The following BLVRA variants were observed in gnomAD, a reference collection of about 807,000 sequenced individuals.
BLVRA encodes BVR A.
In BLVRA, 22 loss-of-function variants were observed where a neutral mutation model predicts 32.8. The observed-to-expected ratio is 0.67, with a 90% confidence interval of 0.48 to 0.96. The LOEUF is 0.96. BLVRA is among the 40% of genes least tolerant of loss of function. BLVRA has a pLI of 0.00. For synonymous variants in BLVRA, 119 were observed against 141.3 expected (o/e 0.84, Z 1.12); for missense variants, 323 against 358.1 (o/e 0.90, Z 0.79).
intron 1 of BLVRA, among the ~76,000 whole-genome samples, chr7:43,761,871 A>C (rs928570926): frequency 5.3e-5 from 8 of 152,234 alleles, no homozygotes; most frequent in Non-Finnish European, 8.8e-5. Context: ...TTAGAGACAT[A>C]ATTACTGGTA....
At position 43,758,746 on chromosome 7, in the gene BLVRA, G is replaced by C. The variant is rs1349726368; in HGVS notation, c.-22+12G>C. ...GGTGCCCGCGTCAGGTGAGGCGCGC[G>C]CGGGGAACGGGGGTCGCGCGCAGGG... On this transcript the variant is annotated intron_variant, in intron 1 of 7. Coordinates refer to ENST00000265523, the MANE Select transcript of BLVRA (RefSeq NM_000712.4). 2 of 152,038 alleles carry C rather than the reference G, an allele frequency of 1.3e-5. No homozygotes were observed. The highest frequency in any genetic ancestry group is 2.9e-5 in the Non-Finnish European group (2 of 68,044). 9.4% of individuals were successfully genotyped at this position (152,038 alleles called of 1,614,324 possible). A position where few individuals can be genotyped will look rare whatever the true frequency, so the allele number is the denominator to read the frequency against.
At chr7:43,764,062 C>T (rs2095745218) in intron 1 of BLVRA, 1 of 152,176 alleles carries the variant, frequency 6.6e-6, no homozygotes, top group Non-Finnish European at 1.5e-5. Flanking sequence ...GATGTTCTCT[C>T]TAGAGATCTT....
In BLVRA at chr7:43,771,003, G is replaced by A. The variant is rs1292609736; in HGVS notation, c.-21-135G>A. On this transcript the variant is annotated intron_variant, in intron 1 of 7. Transcript: ENST00000265523. ...GGTATCCTAGCTGGAAGGCACAGGT[G>A]GTGAAGGCATTTGGGAAACATGAGA... 4 of 783,260 alleles carry A rather than the reference G, an allele frequency of 5.1e-6. No homozygotes were observed. In the African/African-American group the frequency reaches 6.8e-5, roughly 13 times the overall value. The allele number at this position is 783,260 out of a possible 1,614,324, so 48.5% of individuals were successfully genotyped here.
At chr7:43,759,420 A>T (rs951533047) in intron 1 of BLVRA, among the ~76,000 whole-genome samples, 1 of 152,190 alleles carries the variant, frequency 6.6e-6, no homozygotes, top group Non-Finnish European at 1.5e-5. Context: ...TTGGATACTA[A>T]TTTTTTTCAC....
chr7:43,788,787 C>T (rs2095781598), intron 3 of BLVRA, among the ~76,000 whole-genome samples: 1 of 151,598 alleles, frequency 6.6e-6, no homozygotes, highest in South Asian at 2.1e-4. Flanking sequence ...GACACACACA[C>T]CACCACGCCT....
At chr7:43,788,423 C>T (rs946157091) in intron 3 of BLVRA, among the ~76,000 whole-genome samples, 5 of 152,110 alleles carry the variant, frequency 3.3e-5, no homozygotes, top group Non-Finnish European at 5.9e-5. Flanking sequence ...TTTCCTTCTG[C>T]GTAGTGTTAT....
intron 7 of BLVRA, among the ~76,000 whole-genome samples, chr7:43,806,479 C>A (rs1225306424): frequency 6.6e-6 from 1 of 152,146 alleles, no homozygotes; most frequent in Non-Finnish European, 1.5e-5. Context: ...CAGTGGCTCA[C>A]GCCTGTAATC....
intron 2 of BLVRA, among the ~76,000 whole-genome samples, chr7:43,775,422 G>A (rs958279768): frequency 1.3e-5 from 2 of 152,144 alleles, no homozygotes; most frequent in Non-Finnish European, 2.9e-5. Flanking sequence ...CTTTGGTTCT[G>A]TTTATATGCT....
intron 2 of BLVRA, among the ~76,000 whole-genome samples, chr7:43,784,598 CTTTTTTTTTTTTTT>C (rs5883874): frequency 3.5e-5 from 3 of 85,238 alleles, no homozygotes; most frequent in African/African-American, 1.7e-4. Flanking sequence ...TCACTCATAT[CTTTTTTTTTTTTTT>C]TTTTTTTTTG....
intron 1 of BLVRA, among the ~76,000 whole-genome samples, chr7:43,761,679 T>TGTTATTGATAA (rs1171041998): frequency 6.6e-5 from 10 of 152,334 alleles, no homozygotes; most frequent in African/African-American, 2.2e-4. Context: ...TCAGAGCACC[T>TGTTATTGATAA]TGATATGTTA....
At chr7:43,774,214 C>G (rs867874256) in intron 2 of BLVRA, among the ~76,000 whole-genome samples, 9 of 152,302 alleles carry the variant, frequency 5.9e-5, no homozygotes, top group South Asian at 2.1e-4. Flanking sequence ...AGTCCTTGCC[C>G]ATGCCTATGT....
intron 5 of BLVRA, among the ~76,000 whole-genome samples, chr7:43,799,352 G>T (rs2095796234): frequency 6.6e-6 from 1 of 152,092 alleles, no homozygotes; most frequent in Non-Finnish European, 1.5e-5. Context: ...ACCACACTTT[G>T]TACTTAATCA....
intron 4 of BLVRA, 29 bp downstream of exon 4, chr7:43,791,397 C>CT: frequency 6.2e-7 from 1 of 1,613,824 alleles, no homozygotes; most frequent in Non-Finnish European, 8.5e-7. Context: ...CAGTCCTTGC[C>CT]TTACACAGCA....
chr7:43,771,058 TG>T, intron 1 of BLVRA, 79 bp from the exon 2 acceptor site: 1 of 1,192,624 alleles, frequency 8.4e-7, no homozygotes, highest in Admixed American at 1.7e-5. Flanking sequence ...TGGGGGAGCA[TG>T]GGGTGGCAAA....
chr7:43,803,585 T>G, intron 6 of BLVRA, 91 bp from the exon 7 acceptor site: 1 of 1,446,080 alleles, frequency 6.9e-7, no homozygotes, highest in Non-Finnish European at 9.7e-7. Flanking sequence ...GGCCACATCT[T>G]TTCACACCCC....
chr7:43,760,831 C>T (rs1585706264), intron 1 of BLVRA, among the ~76,000 whole-genome samples: 1 of 150,480 alleles, frequency 6.6e-6, no homozygotes, highest in South Asian at 2.1e-4. Flanking sequence ...TGCAGTGGCG[C>T]CATCTTGGCT....
In BLVRA at chr7:43,788,163, A is replaced by G. The variant is rs1006237207; in HGVS notation, c.134+138A>G. On this transcript the variant is annotated intron_variant, in intron 3 of 7. Coordinates refer to ENST00000265523, the MANE Select transcript of BLVRA (RefSeq NM_000712.4). ...GAGAACTGTGCTTAGGGTCAGCCCC[A>G]TAAGATCTCAGGTTGGGATGGGTCT... The G allele has an allele frequency of 1.7e-5, 25 of 1,490,794 alleles. No homozygotes were observed. The African/African-American group carries it at 2.9e-4, about 17-fold the overall frequency. The allele number at this position is 1,490,794 out of a possible 1,614,324, so 92.3% of individuals were successfully genotyped here.
rs183841606 is a variant in BLVRA, at chr7:43,792,391, T to C, written c.255-324T>C. Among the ~76,000 whole-genome samples, 18 of 152,356 alleles carry C rather than the reference T, an allele frequency of 1.2e-4. No homozygotes were observed. In the East Asian group the frequency reaches 3.1e-3, roughly 26 times the overall value. On this transcript the variant is annotated intron_variant, in intron 4 of 7. Coordinates refer to ENST00000265523, the MANE Select transcript of BLVRA (RefSeq NM_000712.4). ...GGTTTTGTAGCCTTTATAGCTACCA[T>C]GTGGTGATAGGAAATTTATTTGTTA...
chr7:43,766,573 C>G (rs896101284), intron 1 of BLVRA, among the ~76,000 whole-genome samples: 11 of 152,100 alleles, frequency 7.2e-5, no homozygotes, highest in Admixed American at 6.5e-4. Context: ...TTAACTAGTC[C>G]TGGCCAGACA....
Sources: gnomAD v4.1 joint callset for allele counts (sites outside exome capture counted in the v4.1 genomes callset) on GRCh38, gnomAD v4.1.1 for gene constraint, MANE v1.5 for transcripts, NCBI Gene and HGNC (gene_info 2026-07-23, HGNC 2026-07-21) for gene names.